DHRSX: variants seen among roughly 807,000 people sequenced by gnomAD.
DHRSX encodes dehydrogenase/reductase X-linked, also known as polyprenol dehydrogenase.
DHRSX carries 31 observed loss-of-function variants against 34.0 expected under a neutral mutation model. The observed-to-expected ratio is 0.91, with a 90% CI of 0.69 to 1.23. DHRSX has a LOEUF of 1.23. Ranked by LOEUF, DHRSX falls within the 50% of genes most tolerant of loss-of-function variation. The pLI, the probability that DHRSX is intolerant of heterozygous loss-of-function variation, is 0.00. For missense variants in DHRSX, 414 were observed against 428.1 expected, an observed-to-expected ratio of 0.97 and a Z score of 0.29; for synonymous variants, 201 against 183.8, an observed-to-expected ratio of 1.09 and a Z score of -0.76.
At chrX:2,484,038 C>T (rs1482648985) in intron 1 of DHRSX, among the ~76,000 whole-genome samples, 3 of 152,308 alleles carry the variant, frequency 2.0e-5, no homozygotes, top group Non-Finnish European at 2.9e-5. Context: ...CGCAGTGGCA[C>T]GATCTTAGCT....
Position 2,309,719 on chromosome X carries a change from G to A in DHRSX, c.287-18116C>T, listed in dbSNP as rs151106358. Among the ~76,000 whole-genome samples the A allele has an allele frequency of 2.9e-3, 445 of 152,150 alleles. 3 individuals carry two copies. In the Middle Eastern group the frequency reaches 0.041, roughly 14 times the overall value. On this transcript the variant is annotated intron_variant, in intron 3 of 6. Coordinates refer to ENST00000334651, the MANE Select transcript of DHRSX (RefSeq NM_145177.3). ...TGAGGCCAGTTCAAGAGCAGCCTGG[G>A]CAACATAGCAAGACCCTACCTCTAC...
chrX:2,308,866 A>T (rs898120239), intron 3 of DHRSX, among the ~76,000 whole-genome samples: 1 of 149,004 alleles, frequency 6.7e-6, no homozygotes, highest in Non-Finnish European at 1.5e-5. Flanking sequence ...AAAGGGAAGG[A>T]GGAAAGGATG....
chrX:2,418,971 T>C (rs759828689), intron 2 of DHRSX, among the ~76,000 whole-genome samples: 2 of 152,264 alleles, frequency 1.3e-5, no homozygotes, highest in Non-Finnish European at 1.5e-5. Context: ...CCCAGGGAGA[T>C]GTAAACAGAT....
At chrX:2,299,738 C>T (rs1163091457) in intron 3 of DHRSX, among the ~76,000 whole-genome samples, 1 of 151,892 alleles carries the variant, frequency 6.6e-6, no homozygotes, top group Non-Finnish European at 1.5e-5. Context: ...GCCTGTAATC[C>T]CAGATACTCG....
intron 1 of DHRSX, among the ~76,000 whole-genome samples, chrX:2,491,065 A>AGT (rs1302388986): frequency 1.2e-5 from 1 of 84,594 alleles, no homozygotes; most frequent in African/African-American, 4.3e-5. Flanking sequence ...AAGTGCCTTT[A>AGT]GTTTTTTTTT....
chrX:2,334,184 GAC>G (rs1461617517), intron 3 of DHRSX: 16 of 15,168 alleles, frequency 1.1e-3, no homozygotes, highest in South Asian at 3.5e-3. Context: ...TTTTTTTTGA[GAC>G]ACAGTCTTAC....
chrX:2,254,642 T>A (rs972739062), intron 5 of DHRSX, among the ~76,000 whole-genome samples: 1 of 151,538 alleles, frequency 6.6e-6, no homozygotes, highest in Non-Finnish European at 1.5e-5. Context: ...TAAAGAGAGG[T>A]TTTTTTTGTT....
At chrX:2,330,035 CGTCAATGAGA>C (rs952905374) in intron 3 of DHRSX, among the ~76,000 whole-genome samples, 3 of 118,910 alleles carry the variant, frequency 2.5e-5, no homozygotes, top group Non-Finnish European at 4.9e-5. Flanking sequence ...TGGATATGGA[CGTCAATGAGA>C]GTGAATGAGA....
At position 2,225,606 on chromosome X, in the gene DHRSX, G is replaced by C. The variant is rs183245242; in HGVS notation, c.805-4377C>G. Among the ~76,000 whole-genome samples, 788 of 150,654 alleles carry C rather than the reference G, an allele frequency of 5.2e-3. 8 individuals are homozygous for C. The highest frequency in any genetic ancestry group is 0.017 in the African/African-American group (678 of 41,016). On this transcript the variant is annotated intron_variant, in intron 6 of 6. Transcript: ENST00000334651. Reference sequence around the variant, plus strand: ...ACCTCCAGCCTCCAGGACTGTGGGAGAATCAATGTATGTCGTTTCTAAGCC... The same window carrying C: ...ACCTCCAGCCTCCAGGACTGTGGGACAATCAATGTATGTCGTTTCTAAGCC...
chrX:2,232,278 T>C (rs1708770422), intron 6 of DHRSX, among the ~76,000 whole-genome samples: 1 of 152,156 alleles, frequency 6.6e-6, no homozygotes, highest in Non-Finnish European at 1.5e-5. Context: ...TCACTCTTGT[T>C]CACTTGTGTG....
chrX:2,358,265 G>C (rs73189688), intron 3 of DHRSX, among the ~76,000 whole-genome samples: 2 of 151,966 alleles, frequency 1.3e-5, no homozygotes, highest in African/African-American at 2.4e-5. Context: ...TCTGATAAAG[G>C]TTTAATATCC....
At chrX:2,247,858 G>A (rs2016335340) in intron 5 of DHRSX, among the ~76,000 whole-genome samples, 1 of 151,806 alleles carries the variant, frequency 6.6e-6, no homozygotes, top group Non-Finnish European at 1.5e-5. Context: ...GACCCATTTC[G>A]CCCCAAGGGC....
At chrX:2,314,455 G>GGGGGA (rs2042213606) in intron 3 of DHRSX, among the ~76,000 whole-genome samples, 1 of 26,788 alleles carries the variant, frequency 3.7e-5, no homozygotes, top group Admixed American at 3.8e-4. Context: ...GGGGAGAAGG[G>GGGGGA]AGGAAGGAAG....
At chrX:2,459,979 G>C (rs1413648322) in intron 1 of DHRSX, among the ~76,000 whole-genome samples, 1 of 151,994 alleles carries the variant, frequency 6.6e-6, no homozygotes, top group Non-Finnish European at 1.5e-5. Context: ...GTGGTGGCGG[G>C]CGACTGTAAT....
At chrX:2,239,583 C>T (rs1309003685) in intron 6 of DHRSX, among the ~76,000 whole-genome samples, 1 of 151,334 alleles carries the variant, frequency 6.6e-6, no homozygotes, top group African/African-American at 2.4e-5. Context: ...GGTGAAACCC[C>T]GTCTCTACTA....
intron 3 of DHRSX, among the ~76,000 whole-genome samples, chrX:2,405,298 C>A (rs1043553930): frequency 5.3e-5 from 8 of 150,766 alleles, no homozygotes; most frequent in Non-Finnish European, 1.2e-4. Flanking sequence ...ACCAGCCTGG[C>A]CAAGATGGTG....
At chrX:2,460,653 G>A (rs1354584658) in intron 1 of DHRSX, among the ~76,000 whole-genome samples, 14 of 149,326 alleles carry the variant, frequency 9.4e-5, no homozygotes, top group South Asian at 6.3e-4. Flanking sequence ...GTGCGATCAC[G>A]TTTCACAGCA....
In DHRSX at chrX:2,371,624, T is replaced by C. The variant is rs2043071327; in HGVS notation, c.286+37121A>G. Among the ~76,000 whole-genome samples the C allele has an allele frequency of 1.5e-5, 2 of 135,906 alleles. 1 individual carries two copies. Among genetic ancestry groups the C allele is most frequent in the Admixed American group, 1.5e-4 (2 of 13,210 alleles). The allele number at this position is 135,906 out of a possible 152,430, so 89.2% of individuals were successfully genotyped here. A position where few individuals can be genotyped will look rare whatever the true frequency, so the allele number is the denominator to read the frequency against. ...AGTCCCTCCTTCTGTTACCAGTCCT[T>C]CCTCCTCCCGTTACCATAGTCCACA... On this transcript the variant is annotated intron_variant, in intron 3 of 6. Coordinates refer to ENST00000334651, the MANE Select transcript of DHRSX (RefSeq NM_145177.3).
intron 6 of DHRSX, among the ~76,000 whole-genome samples, chrX:2,230,210 CATGTGTGCATGTAT>C (rs1162542580): frequency 2.6e-5 from 4 of 151,860 alleles, no homozygotes; most frequent in Non-Finnish European, 5.9e-5. Flanking sequence ...TGTATTTGTA[CATGTGTGCATGTAT>C]GTGTGCATGA....
Sources: allele counts gnomAD v4.1 joint callset (sites outside exome capture counted in the v4.1 genomes callset), GRCh38; gene constraint gnomAD v4.1.1; transcripts MANE v1.5; gene names NCBI Gene and HGNC (gene_info 2026-07-23, HGNC 2026-07-21).